Variants in HECTD4 observed in about 807,000 individuals in gnomAD.
HECTD4 encodes the protein HECT domain E3 ubiquitin protein ligase 4.
HECTD4 carries 114 observed loss-of-function variants against 471.5 expected under a neutral mutation model. The observed-to-expected ratio is 0.24, with a 90% CI of 0.21 to 0.28. The LOEUF (loss-of-function observed/expected upper bound fraction) is 0.28. Ranked by LOEUF, HECTD4 falls within the 10% of genes least tolerant of loss-of-function variation. The pLI, the probability that HECTD4 is intolerant of heterozygous loss-of-function variation, is 1.00. For missense variants in HECTD4, 3,866 were observed against 5,651.5 expected (o/e 0.68, Z 10.13); for synonymous variants, 2,012 against 2,256.0 (o/e 0.89, Z 3.07).
In HECTD4 at chr12:112,217,188, T is replaced by A. The variant is rs1479034540; in HGVS notation, c.7082A>T (p.Glu2361Val). ...PLQADRRQPK[E>V]ITWSPSRVFP... is the part of the protein sequence containing the mutation. ...CACTCGCGAGGGGCTCCAAGTAATC[T>A]CTTTGGGCTGCATCAGGGAGAAAAA... Residue 2361 changes from glutamate to valine, a missense_variant, in exon 46 of 76, where the codon GAG (glutamate) becomes GTG (valine). By Grantham distance (121) the Glu-to-Val change is moderately radical (BLOSUM62 -2). Around this residue, in one of 16 missense-constraint regions of HECTD4, gnomAD observed 617 missense variants for 915.1 expected, o/e 0.67. Coordinates refer to ENST00000682272, the MANE Select transcript of HECTD4 (RefSeq NM_001388303.1). 18 of 1,510,616 alleles carry A rather than the reference T, an allele frequency of 1.2e-5. No homozygotes were observed. Among genetic ancestry groups the A allele is most frequent in the Non-Finnish European group, 9.7e-6 (11 of 1,129,536 alleles). The allele number at this position is 1,510,616 out of a possible 1,614,324, so 93.6% of individuals were successfully genotyped here.
intron 64 of HECTD4, 51 bp from the exon 65 acceptor site, chr12:112,176,753 C>T (rs962113490): frequency 3.2e-5 from 41 of 1,295,836 alleles, no homozygotes; most frequent in African/African-American, 1.5e-4. Flanking sequence ...CACCTCCTCC[C>T]GATAGGAAAT....
chr12:112,230,674 A>G lies in HECTD4; in HGVS notation c.6336+13T>C. On this transcript the variant is annotated intron_variant, in intron 40 of 75. Coordinates refer to ENST00000682272, the MANE Select transcript of HECTD4 (RefSeq NM_001388303.1). ...TTCTTATTTTCTCAGTTGAGTAGCA[A>G]CACTGCGCTAACCTTCTCTGCTGTT... is the stretch of plus-strand genomic sequence containing the variant. 6.2e-7 allele frequency: 1 copy of G among 1,603,716 alleles called. No homozygotes were observed. The highest frequency in any genetic ancestry group is 8.5e-7 in the Non-Finnish European group (1 of 1,174,550).
intron 52 of HECTD4, among the ~76,000 whole-genome samples, chr12:112,206,331 C>CA (rs764332669): frequency 6.6e-5 from 10 of 151,866 alleles, no homozygotes; most frequent in African/African-American, 1.9e-4. Context: ...CCTGTCACTA[C>CA]AAAAAATAAA....
chr12:112,205,519 T>C (rs982762471), intron 52 of HECTD4, among the ~76,000 whole-genome samples: 5 of 152,212 alleles, frequency 3.3e-5, no homozygotes, highest in Non-Finnish European at 7.3e-5. Context: ...AGTTATTTCA[T>C]TTTCGTTAAC....
chr12:112,167,541 G>A lies in HECTD4; in HGVS notation c.12313-3C>T. 6.4e-7 allele frequency: 1 copy of A among 1,569,538 alleles called. No individual in the cohort carries two copies. The highest frequency in any genetic ancestry group is 1.4e-5 in the African/African-American group (1 of 73,808). ...CTCGGGGTCAGGATATACTTGCCCT[G>A]GAAGTGGAGGTGGGCATGAGGTGAC... On this transcript the variant is annotated splice_region_variant and splice_polypyrimidine_tract_variant and intron_variant, in intron 71 of 75. Coordinates refer to ENST00000682272, the MANE Select transcript of HECTD4 (RefSeq NM_001388303.1).
chr12:112,284,188 A>C (rs2034702154), intron 7 of HECTD4, among the ~76,000 whole-genome samples: 1 of 152,126 alleles, frequency 6.6e-6, no homozygotes, highest in Non-Finnish European at 1.5e-5. Context: ...CTGCCTCTTC[A>C]TCATTAGTGT....
rs1171266706 is a variant in HECTD4, at chr12:112,212,641, G to A, written c.7475C>T (p.Ala2492Val). The change falls in exon 49 of 76, where the codon GCA becomes GTA. Residue 2492 changes from alanine (A) to valine (V), a missense_variant. By Grantham distance (64) the Ala-to-Val change is moderately conservative. This residue lies in a region of HECTD4 where 617 missense variants were observed against 915.1 expected (regional missense o/e 0.67). Coordinates refer to ENST00000682272, the MANE Select transcript of HECTD4 (RefSeq NM_001388303.1). Reference sequence around the variant, plus strand: ...CTCAGTTCTCTCCCAGCCAATTCCTGCCACGTCACCTATAGCAGAGAACGG... The same window carrying A: ...CTCAGTTCTCTCCCAGCCAATTCCTACCACGTCACCTATAGCAGAGAACGG... Reference protein sequence around the residue: ...LDVTLSPGDVAGIGWERTEGT... With the variant: ...LDVTLSPGDVVGIGWERTEGT... 6.2e-7 allele frequency: 1 copy of A among 1,611,298 alleles called. No individual in the cohort carries two copies. Among genetic ancestry groups the A allele is most frequent in the Non-Finnish European group, 8.5e-7 (1 of 1,178,614 alleles).
chr12:112,163,639 C>G lies in HECTD4; in HGVS notation c.12800G>C (p.Gly4267Ala). 6.5e-7 allele frequency: 1 copy of G among 1,541,150 alleles called. No individual in the cohort carries two copies. The highest frequency in any genetic ancestry group is 8.7e-7 in the Non-Finnish European group (1 of 1,143,316). Reference sequence around the variant, plus strand: ...CAGCAGCTGCAGGGGGATGATGGAGCCCAGGCCGGCCCGCACGGCCGTCAC... The same window carrying G: ...CAGCAGCTGCAGGGGGATGATGGAGGCCAGGCCGGCCCGCACGGCCGTCAC... ...ECVTAVRAGL[G>A]SIIPLQLLTM... is the part of the protein sequence containing the mutation. The change falls in exon 74 of 76, where the codon GGC (glycine) becomes GCC (alanine). Residue 4267 changes from glycine (G) to alanine (A), a missense_variant. Physicochemically the swap from Gly to Ala is moderately conservative, Grantham distance 60. This residue lies in a region of HECTD4 where 715 missense variants were observed against 1,087.6 expected (regional missense o/e 0.66). Coordinates refer to ENST00000682272, the MANE Select transcript of HECTD4 (RefSeq NM_001388303.1). This position sits in a 1 kb window ranked among gnomAD's most constrained non-coding sequence, Gnocchi z 8.2.
At chr12:112,231,763 G>T (rs772532799) in intron 38 of HECTD4, 48 bp from the exon 39 acceptor site, 2 of 1,492,798 alleles carry the variant, frequency 1.3e-6, no homozygotes, top group Non-Finnish European at 1.8e-6. Flanking sequence ...AGTCTTCCCA[G>T]CACTATATTT....
Position 112,213,646 on chromosome 12 carries a change from A to G in HECTD4, c.7466-996T>C, listed in dbSNP as rs1045599547. Among the ~76,000 whole-genome samples the G allele has an allele frequency of 6.6e-6, 1 of 151,204 alleles. No homozygotes were observed. Among genetic ancestry groups the G allele is most frequent in the Non-Finnish European group, 1.5e-5 (1 of 67,848 alleles). ...GGTTGCAGTGAGCCAAGATTGTGCC[A>G]CTGCACTTCAGCCTGGGCGACAGAG... is the stretch of plus-strand genomic sequence containing the variant. On this transcript the variant is annotated intron_variant, in intron 48 of 75. Coordinates refer to ENST00000682272, the MANE Select transcript of HECTD4 (RefSeq NM_001388303.1). This position sits in a 1 kb window ranked among gnomAD's most constrained non-coding sequence, Gnocchi z 4.0.
intron 1 of HECTD4, among the ~76,000 whole-genome samples, chr12:112,320,757 T>C (rs945773760): frequency 3.5e-4 from 54 of 152,252 alleles, no homozygotes; most frequent in African/African-American, 1.3e-3. Flanking sequence ...CTAGTAAAAA[T>C]GGAACCAAGT....
chr12:112,280,878 T>G (rs1220442174), intron 8 of HECTD4, among the ~76,000 whole-genome samples: 1 of 151,262 alleles, frequency 6.6e-6, no homozygotes, highest in African/African-American at 2.4e-5. Context: ...AACTTCCACT[T>G]CCTGTGTTCC....
At chr12:112,244,095 T>C (rs776322974) in intron 29 of HECTD4, 86 bp from the exon 30 acceptor site, 32 of 1,376,572 alleles carry the variant, frequency 2.3e-5, no homozygotes, top group Non-Finnish European at 3.1e-5. Context: ...ACAGTCTAAG[T>C]GTATCTTTGC....
intron 60 of HECTD4, among the ~76,000 whole-genome samples, chr12:112,189,428 T>C (rs1288599146): frequency 6.7e-6 from 1 of 148,546 alleles, no homozygotes; most frequent in Non-Finnish European, 1.5e-5. Context: ...GGTGGGCGCC[T>C]GTGGTCCTAG....
At position 112,308,746 on chromosome 12, in the gene HECTD4, T is replaced by C. The variant is rs927575700; in HGVS notation, c.1164+7A>G. Reference sequence around the variant, plus strand: ...ATGTTTTAAAAATGCCTTGGTTTTCTGTTTACCTGAAGGGTGTTCTGGTCA... The same window carrying C: ...ATGTTTTAAAAATGCCTTGGTTTTCCGTTTACCTGAAGGGTGTTCTGGTCA... On this transcript the variant is annotated splice_region_variant and intron_variant, in intron 6 of 75. Coordinates refer to ENST00000682272, the MANE Select transcript of HECTD4 (RefSeq NM_001388303.1). 1.3e-6 allele frequency: 2 copies of C among 1,527,462 alleles called. No homozygotes were observed. The highest frequency in any genetic ancestry group is 1.4e-5 in the African/African-American group (1 of 72,502). The allele number at this position is 1,527,462 out of a possible 1,614,324, so 94.6% of individuals were successfully genotyped here.
At position 112,193,117 on chromosome 12, in the gene HECTD4, G is replaced by A. The variant is rs750672583; in HGVS notation, c.9030C>T (p.Pro3010=). Residue 3010 remains proline (P), a synonymous_variant, in exon 58 of 76, where the codon CCC becomes CCT. Transcript: ENST00000682272. This position sits in a 1 kb window ranked among gnomAD's most constrained non-coding sequence, Gnocchi z 5.2. The part of the protein sequence containing the change: ...ESKVNMDVNF[P]GAAFVVVSCK... ...AAGACACAACAACAAAAGCTGCCCC[G>A]GGGAAATTCACGTCCATGTTGACTT... 2.0e-5 allele frequency: 33 copies of A among 1,613,816 alleles called. No individual in the cohort carries two copies. The highest frequency in any genetic ancestry group is 1.5e-4 in the South Asian group (14 of 91,078).
At chr12:112,366,650 G>C (rs2036566053) in intron 1 of HECTD4, among the ~76,000 whole-genome samples, 1 of 151,650 alleles carries the variant, frequency 6.6e-6, no homozygotes, top group Non-Finnish European at 1.5e-5. Flanking sequence ...GGAACCCAAG[G>C]TGGGCAGATC....
chr12:112,338,519 G>A (rs1244071550), intron 1 of HECTD4, among the ~76,000 whole-genome samples: 3 of 152,104 alleles, frequency 2.0e-5, no homozygotes, highest in African/African-American at 7.2e-5. Context: ...TACTCAGGAG[G>A]CTGAGGCAGA....
Position 112,184,137 on chromosome 12 carries a change from G to T in HECTD4, c.10779+50C>A. 1 of 1,477,924 alleles carries T rather than the reference G, an allele frequency of 6.8e-7. No homozygotes were observed. Among genetic ancestry groups the T allele is most frequent in the Non-Finnish European group, 9.3e-7 (1 of 1,078,862 alleles). 91.6% of individuals were successfully genotyped at this position (1,477,924 alleles called of 1,614,324 possible). On this transcript the variant is annotated intron_variant, in intron 61 of 75. Transcript: ENST00000682272. The surrounding 1 kb of genome is among the most constrained non-coding windows in gnomAD (Gnocchi z 9.1). Reference sequence around the variant, plus strand: ...TTGGAAGATTTAAAGAGGCTTGGGGGATTGAAATGGGTCATGATTTAGTGG... The same window carrying T: ...TTGGAAGATTTAAAGAGGCTTGGGGTATTGAAATGGGTCATGATTTAGTGG...
Sources: gnomAD v4.1 joint callset for allele counts (sites outside exome capture counted in the v4.1 genomes callset) on GRCh38, gnomAD v4.1.1 for gene constraint, gnomAD v4.1.1 regional missense constraint, Gnocchi (gnomAD v3.1) non-coding constraint, MANE v1.5 for transcripts, NCBI Gene and HGNC (gene_info 2026-07-23, HGNC 2026-07-21) for gene names.